SLC9A7: variants seen among roughly 807,000 people sequenced by gnomAD.
SLC9A7 encodes the protein solute carrier family 9 member A7, also known as sodium/hydrogen exchanger 7.
SLC9A7 carries 19 observed loss-of-function variants against 52.6 expected under a neutral mutation model. The observed-to-expected ratio is 0.36, with a 90% CI of 0.25 to 0.53. The LOEUF is 0.53. Among genes scored for constraint, SLC9A7 ranks in the 20% least tolerant of loss-of-function variants. The pLI is 0.91. For missense variants in SLC9A7, 455 were observed against 597.9 expected, an observed-to-expected ratio of 0.76 and a Z score of 2.49; for synonymous variants, 226 against 252.1, an observed-to-expected ratio of 0.90 and a Z score of 0.98.
At chrX:46,754,383 A>G (rs1922477258) in intron 1 of SLC9A7, among the ~76,000 whole-genome samples, 1 of 111,987 alleles carries the variant, frequency 8.9e-6, no homozygotes, top group Non-Finnish European at 1.9e-5. Context: ...CCAGCATTTG[A>G]ACCCAGGGTT....
At chrX:46,627,323 CA>C (rs1347311222) in intron 14 of SLC9A7, among the ~76,000 whole-genome samples, 1 of 104,566 alleles carries the variant, frequency 9.6e-6, no homozygotes. Flanking sequence ...CAAAACAAAA[CA>C]AAAAAAAAAC....
intron 1 of SLC9A7, among the ~76,000 whole-genome samples, chrX:46,711,938 A>ACT (rs1569521888): frequency 9.2e-6 from 1 of 108,178 alleles, no homozygotes; most frequent in Non-Finnish European, 1.9e-5. Flanking sequence ...ACACACACAC[A>ACT]CTTCCACTGA....
intron 13 of SLC9A7, among the ~76,000 whole-genome samples, chrX:46,632,618 C>G (rs1258805611): frequency 1.8e-5 from 2 of 111,299 alleles, no homozygotes; most frequent in Non-Finnish European, 3.8e-5. Context: ...CCCCCTTGCC[C>G]CTGATATTTC....
At chrX:46,645,888 T>A in intron 11 of SLC9A7, among the ~76,000 whole-genome samples, 1 of 111,144 alleles carries the variant, frequency 9.0e-6, no homozygotes, top group East Asian at 2.8e-4. Flanking sequence ...CATATTGGTA[T>A]AAGGAATGGT....
chrX:46,680,352 A>G lies in SLC9A7; in HGVS notation c.526-597T>C, dbSNP rs1194010282. On this transcript the variant is annotated intron_variant, in intron 2 of 16. Coordinates refer to ENST00000616978, the MANE Select transcript of SLC9A7 (RefSeq NM_001257291.2). ...CAACAGAGCGAGACTCCATCTCAAAAAAAAAAAAAAAAATCTTGATTTTCA... is the reference window on the plus strand; with the variant it reads ...CAACAGAGCGAGACTCCATCTCAAAGAAAAAAAAAAAAATCTTGATTTTCA... Among the ~76,000 whole-genome samples the G allele has an allele frequency of 6.4e-5, 7 of 110,136 alleles. No individual in the cohort carries two copies. In the South Asian group the frequency reaches 1.2e-3, roughly 19 times the overall value.
At chrX:46,655,460 C>T (rs1271031348) in intron 7 of SLC9A7, among the ~76,000 whole-genome samples, 4 of 111,711 alleles carry the variant, frequency 3.6e-5, no homozygotes, top group African/African-American at 6.5e-5. Context: ...TCTGAGGTAC[C>T]GGGTTCATCT....
At chrX:46,640,213 T>C (rs1335602819) in intron 12 of SLC9A7, among the ~76,000 whole-genome samples, 2 of 112,166 alleles carry the variant, frequency 1.8e-5, no homozygotes, top group South Asian at 3.7e-4. Context: ...CTTGGAAGGA[T>C]AGACACATAA....
At chrX:46,631,201 C>T (rs1943216131) in intron 14 of SLC9A7, among the ~76,000 whole-genome samples, 1 of 112,551 alleles carries the variant, frequency 8.9e-6, no homozygotes, top group Non-Finnish European at 1.9e-5. Flanking sequence ...CACCTGATGT[C>T]TCTCCTTTCT....
In SLC9A7 at chrX:46,623,536, C is replaced by A. The variant is rs148919946; in HGVS notation, c.1741-2477G>T. 1.7e-3 allele frequency among the ~76,000 whole-genome samples: 187 copies of A among 111,325 alleles called. 3 individuals are homozygous for A. In the South Asian group the frequency reaches 0.033, roughly 20 times the overall value. ...AAGAAATGTTTCAAAAGCGACATAG[C>A]ACTCCAAGAAGTGTAGGTGTGGATA... On this transcript the variant is annotated intron_variant, in intron 14 of 16. Transcript: ENST00000616978.
intron 1 of SLC9A7, among the ~76,000 whole-genome samples, chrX:46,732,461 G>A (rs1174252531): frequency 2.7e-5 from 3 of 109,811 alleles, no homozygotes; most frequent in South Asian, 8.0e-4. Flanking sequence ...CCTGAGGCAA[G>A]AGAATCGCTT....
intron 7 of SLC9A7, among the ~76,000 whole-genome samples, chrX:46,661,378 TAAAAAA>T (rs759108907): frequency 9.3e-6 from 1 of 107,586 alleles, no homozygotes; most frequent in Non-Finnish European, 1.9e-5. Context: ...ATAATAATAA[TAAAAAA>T]AAAGAAAAAA....
rs1324515497 is a variant in SLC9A7, at chrX:46,682,465, G to A, written c.396C>T (p.Cys132=). The A allele has an allele frequency of 8.3e-7, 1 of 1,211,385 alleles. No homozygotes were observed. The highest frequency in any genetic ancestry group is 2.2e-5 in the Admixed American group (1 of 46,023). The part of the protein sequence containing the change: ...ATSGRDKSLS[C]TQEDRAFSTL... The stretch of plus-strand genomic sequence containing the variant: ...TACTGAAGGCCCTGTCTTCCTGAGT[G>A]CAGCTGAGTGATTTGTCACGGCCAC... Residue 132 remains cysteine, a synonymous_variant, in exon 2 of 17, where the codon TGC becomes TGT. Transcript: ENST00000616978.
chrX:46,730,141 C>T (rs1945004856), intron 1 of SLC9A7, among the ~76,000 whole-genome samples: 1 of 111,235 alleles, frequency 9.0e-6, no homozygotes, highest in South Asian at 3.8e-4. Flanking sequence ...ACCATTACAT[C>T]CAACATTTAC....
At chrX:46,657,654 A>G (rs1009047957) in intron 7 of SLC9A7, among the ~76,000 whole-genome samples, 1 of 110,567 alleles carries the variant, frequency 9.0e-6, no homozygotes, top group Non-Finnish European at 1.9e-5. Context: ...AAAGGGATCA[A>G]TTCAACAAGA....
At chrX:46,720,395 T>TC (rs1569523301) in intron 1 of SLC9A7, among the ~76,000 whole-genome samples, 2 of 110,605 alleles carry the variant, frequency 1.8e-5, no homozygotes, top group Non-Finnish European at 3.8e-5. Flanking sequence ...TTATCATTAC[T>TC]CTGGTTCAAG....
intron 15 of SLC9A7, among the ~76,000 whole-genome samples, chrX:46,617,811 C>A (rs936528081): frequency 9.0e-6 from 1 of 111,709 alleles, no homozygotes; most frequent in African/African-American, 3.3e-5. Flanking sequence ...GTGTCACTCT[C>A]CTGGTGGATA....
At chrX:46,708,657 TTC>T (rs934512997) in intron 1 of SLC9A7, among the ~76,000 whole-genome samples, 7 of 112,418 alleles carry the variant, frequency 6.2e-5, no homozygotes, top group African/African-American at 2.3e-4. Context: ...ACTGATTATG[TTC>T]TTTCTTCCTT....
intron 1 of SLC9A7, among the ~76,000 whole-genome samples, chrX:46,750,343 C>A (rs1348832048): frequency 9.0e-6 from 1 of 111,481 alleles, no homozygotes; most frequent in African/African-American, 3.3e-5. Context: ...ATATTAGGAT[C>A]TTCAAACATT....
At chrX:46,718,292 T>C (rs1944803115) in intron 1 of SLC9A7, among the ~76,000 whole-genome samples, 1 of 111,707 alleles carries the variant, frequency 9.0e-6, no homozygotes. Context: ...ATACAAAAAT[T>C]AATTCAAGAT....
Sources: allele counts gnomAD v4.1 joint callset (sites outside exome capture counted in the v4.1 genomes callset), GRCh38; gene constraint gnomAD v4.1.1; transcripts MANE v1.5; gene names NCBI Gene and HGNC (gene_info 2026-07-23, HGNC 2026-07-21).